PRKCH: variants seen among roughly 807,000 people sequenced by gnomAD.
PRKCH encodes the protein protein kinase C eta type.
In PRKCH, 28 loss-of-function variants were observed where a neutral mutation model predicts 82.5. That is an observed-to-expected ratio of 0.34 (90% CI 0.25 to 0.47). PRKCH has a LOEUF of 0.47. PRKCH is among the 20% of genes least tolerant of loss of function. PRKCH has a pLI of 1.00. For synonymous variants in PRKCH, 322 were observed against 327.4 expected, an observed-to-expected ratio of 0.98 and a Z score of 0.18; for missense variants, 705 against 881.8, an observed-to-expected ratio of 0.80 and a Z score of 2.54.
chr14:61,494,059 A>G (rs1594760913), intron 10 of PRKCH, among the ~76,000 whole-genome samples: 2 of 152,302 alleles, frequency 1.3e-5, no homozygotes, highest in South Asian at 2.1e-4. Context: ...GAAAGGTTGT[A>G]TGACAGGTGC....
chr14:61,209,466 T>G (rs1277527210), intron 1 of PRKCH, among the ~76,000 whole-genome samples: 1 of 152,204 alleles, frequency 6.6e-6, no homozygotes, highest in Admixed American at 6.5e-5. Flanking sequence ...TATCGTATTT[T>G]ATCATAGCAT....
chr14:61,258,507 G>A (rs921250678), intron 1 of PRKCH, among the ~76,000 whole-genome samples: 1 of 152,066 alleles, frequency 6.6e-6, no homozygotes, highest in Non-Finnish European at 1.5e-5. Flanking sequence ...TTAAGTTCCT[G>A]GGTCTAAGTT....
chr14:61,421,847 C>T (rs1309604950), intron 2 of PRKCH, among the ~76,000 whole-genome samples: 3 of 152,126 alleles, frequency 2.0e-5, no homozygotes, highest in Admixed American at 6.5e-5. Flanking sequence ...GGCACCAAGC[C>T]TTGACTTGAA....
At chr14:61,536,943 G>A (rs1425292830) in intron 12 of PRKCH, among the ~76,000 whole-genome samples, 4 of 152,216 alleles carry the variant, frequency 2.6e-5, no homozygotes, top group African/African-American at 9.6e-5. Flanking sequence ...GACGTGGGTA[G>A]TGGACAAAGG....
chr14:61,330,983 A>G (rs1376490510), intron 1 of PRKCH, among the ~76,000 whole-genome samples: 2 of 152,130 alleles, frequency 1.3e-5, no homozygotes, highest in African/African-American at 4.8e-5. Flanking sequence ...AAATCTCATA[A>G]TGTTTTAAGA....
chr14:61,327,154 G>A (rs1158658047), intron 1 of PRKCH: 2 of 455,016 alleles, frequency 4.4e-6, no homozygotes, highest in Non-Finnish European at 8.8e-6. Context: ...AGCCCTGGAG[G>A]GCCTCTTTCT....
chr14:61,282,801 A>ATTCAAGTGACTTGAAT (rs2140094238), intron 1 of PRKCH, among the ~76,000 whole-genome samples: 1 of 152,310 alleles, frequency 6.6e-6, no homozygotes, highest in East Asian at 1.9e-4. Context: ...ACTGAGGGAA[A>ATTCAAGTGACTTGAAT]TTCAAGTGAC....
intron 1 of PRKCH, among the ~76,000 whole-genome samples, chr14:61,323,016 G>C (rs1049174130): frequency 6.6e-6 from 1 of 152,152 alleles, no homozygotes; most frequent in Non-Finnish European, 1.5e-5. Flanking sequence ...GGGTCTGCAC[G>C]TTGGCAGTTT....
At chr14:61,332,618 C>T (rs2045804703) in intron 1 of PRKCH, among the ~76,000 whole-genome samples, 1 of 152,206 alleles carries the variant, frequency 6.6e-6, no homozygotes, top group South Asian at 2.1e-4. Context: ...GAGCATAAAA[C>T]CATGGTCAAC....
At position 61,291,372 on chromosome 14, in the gene PRKCH, C is replaced by G. The variant is rs184258945; in HGVS notation, c.-19+103704C>G. ...TTGAGACGGAGTCTCGCCCTGTCAC[C>G]AGGCTGGAGTGCAGTGGTGCCATTT... On this transcript the variant is annotated intron_variant, in intron 1 of 3. Coordinates refer to the PRKCH transcript ENST00000555185. Among the ~76,000 whole-genome samples, 841 of 135,622 alleles carry G rather than the reference C, an allele frequency of 6.2e-3. 3 individuals carry two copies. The highest frequency in any genetic ancestry group is 9.9e-3 in the Admixed American group (120 of 12,072). The allele number at this position is 135,622 out of a possible 152,430, so 89.0% of individuals were successfully genotyped here. A position where few individuals can be genotyped will look rare whatever the true frequency, so the allele number is the denominator to read the frequency against.
intron 10 of PRKCH, among the ~76,000 whole-genome samples, chr14:61,488,093 G>A (rs993880534): frequency 1.3e-4 from 19 of 151,906 alleles, no homozygotes; most frequent in African/African-American, 4.6e-4. Context: ...GGCGGAGCCT[G>A]CAGTGAGCCG....
intron 10 of PRKCH, among the ~76,000 whole-genome samples, chr14:61,504,388 C>T (rs765745386): frequency 2.0e-5 from 3 of 152,068 alleles, no homozygotes; most frequent in Non-Finnish European, 4.4e-5. Context: ...TGGGGTCTCA[C>T]TATATTGGCC....
chr14:61,237,242 C>CAAAA (rs567714882), intron 1 of PRKCH, among the ~76,000 whole-genome samples: 4 of 93,706 alleles, frequency 4.3e-5, no homozygotes, highest in African/African-American at 1.6e-4. Context: ...GACTCTGTTT[C>CAAAA]AAAAAAAAAA....
intron 2 of PRKCH, among the ~76,000 whole-genome samples, chr14:61,424,106 T>C (rs950134834): frequency 1.3e-5 from 2 of 152,224 alleles, no homozygotes; most frequent in African/African-American, 4.8e-5. Flanking sequence ...ATGCCATGAT[T>C]ATAAGTTTCC....
At chr14:61,270,496 C>A (rs2045141852) in intron 1 of PRKCH, among the ~76,000 whole-genome samples, 1 of 152,150 alleles carries the variant, frequency 6.6e-6, no homozygotes, top group African/African-American at 2.4e-5. Flanking sequence ...GAACTTTCCA[C>A]TAAAATGGAG....
chr14:61,258,500 A>C (rs1423313151), intron 1 of PRKCH, among the ~76,000 whole-genome samples: 4 of 152,210 alleles, frequency 2.6e-5, no homozygotes, highest in Admixed American at 6.5e-5. Flanking sequence ...AAAGTTATTA[A>C]GTTCCTGGGT....
intron 10 of PRKCH, among the ~76,000 whole-genome samples, chr14:61,493,542 G>C (rs987781401): frequency 6.6e-6 from 1 of 152,168 alleles, no homozygotes; most frequent in African/African-American, 2.4e-5. Context: ...CCATGTTCCA[G>C]CTAAAAATCA....
chr14:61,312,668 G>A (rs2045534028), intron 1 of PRKCH, among the ~76,000 whole-genome samples: 2 of 152,134 alleles, frequency 1.3e-5, no homozygotes, highest in African/African-American at 2.4e-5. Flanking sequence ...ATTATAGCAG[G>A]CAAGAGAGTG....
chr14:61,237,033 G>A (rs1479639210), intron 1 of PRKCH, among the ~76,000 whole-genome samples: 3 of 151,776 alleles, frequency 2.0e-5, no homozygotes, highest in Admixed American at 1.3e-4. Context: ...CTATGGACTC[G>A]CCCTGAATTC....
Sources: allele counts gnomAD v4.1 joint callset (sites outside exome capture counted in the v4.1 genomes callset), GRCh38; gene constraint gnomAD v4.1.1; transcripts MANE v1.5; gene names NCBI Gene and HGNC (gene_info 2026-07-23, HGNC 2026-07-21).